Variants in ROBO1 observed in about 807,000 individuals in gnomAD.
ROBO1 encodes roundabout homolog 1.
A neutral mutation model predicts 195.9 loss-of-function variants in ROBO1; 149 were observed. That is an observed-to-expected ratio of 0.76 (90% CI 0.67 to 0.87). ROBO1 has a LOEUF of 0.87. ROBO1 is among the 40% of genes least tolerant of loss of function. The pLI is 0.00. For synonymous variants in ROBO1, 816 were observed against 733.2 expected, an observed-to-expected ratio of 1.11 and a Z score of -1.82; for missense variants, 1,933 against 2,068.3, an observed-to-expected ratio of 0.93 and a Z score of 1.27.
At chr3:79,619,094 TG>T (rs1218961087) in intron 1 of ROBO1, among the ~76,000 whole-genome samples, 1 of 152,092 alleles carries the variant, frequency 6.6e-6, no homozygotes, top group Non-Finnish European at 1.5e-5. Flanking sequence ...CACTGGTGTC[TG>T]ATCACTGCAG....
intron 2 of ROBO1, among the ~76,000 whole-genome samples, chr3:79,195,997 A>G (rs991278109): frequency 1.3e-5 from 2 of 151,626 alleles, no homozygotes; most frequent in Admixed American, 1.3e-4. Context: ...TTTATTAAAT[A>G]AGGACTTATT....
At chr3:79,371,423 G>T (rs1477461206) in intron 2 of ROBO1, among the ~76,000 whole-genome samples, 2 of 152,080 alleles carry the variant, frequency 1.3e-5, no homozygotes, top group Non-Finnish European at 2.9e-5. Flanking sequence ...ACCGGTAAAA[G>T]AAATGAAGGT....
chr3:79,311,980 A>G (rs115357666), intron 2 of ROBO1, among the ~76,000 whole-genome samples: 58 of 151,860 alleles, frequency 3.8e-4, no homozygotes, highest in African/African-American at 1.4e-3. Flanking sequence ...CCAATTCTGA[A>G]CTCCCCTCAC....
At chr3:79,502,338 C>G (rs1182943498) in intron 2 of ROBO1, among the ~76,000 whole-genome samples, 2 of 152,180 alleles carry the variant, frequency 1.3e-5, no homozygotes, top group Non-Finnish European at 2.9e-5. Context: ...GCTCGGCGAG[C>G]CGCACTTGGA....
chr3:79,556,892 C>T (rs1487783175), intron 2 of ROBO1, among the ~76,000 whole-genome samples: 1 of 151,346 alleles, frequency 6.6e-6, no homozygotes, highest in East Asian at 1.9e-4. Flanking sequence ...CTCTCACATG[C>T]AATTTTTATT....
intron 4 of ROBO1, among the ~76,000 whole-genome samples, chr3:78,784,695 A>C (rs1277724172): frequency 6.6e-6 from 1 of 152,214 alleles, no homozygotes; most frequent in Non-Finnish European, 1.5e-5. Flanking sequence ...AATAGTAGCA[A>C]CAAAAATCTT....
chr3:78,678,703 A>ATCC (rs1199593753), intron 10 of ROBO1, among the ~76,000 whole-genome samples: 40 of 152,190 alleles, frequency 2.6e-4, no homozygotes, highest in African/African-American at 9.2e-4. Context: ...AACCAAAAAG[A>ATCC]GTCCAGGACC....
At chr3:79,470,963 T>C (rs778846390) in intron 2 of ROBO1, among the ~76,000 whole-genome samples, 1 of 152,284 alleles carries the variant, frequency 6.6e-6, no homozygotes, top group East Asian at 1.9e-4. Flanking sequence ...ACAATTATAA[T>C]AAAATGATAT....
At chr3:78,892,148 T>G (rs1487028134) in intron 4 of ROBO1, among the ~76,000 whole-genome samples, 2 of 152,278 alleles carry the variant, frequency 1.3e-5, no homozygotes, top group East Asian at 3.9e-4. Context: ...TCGCTTGAGC[T>G]CAGGAGTTTG....
chr3:78,792,198 G>A (rs1408452564), intron 4 of ROBO1, among the ~76,000 whole-genome samples: 2 of 152,112 alleles, frequency 1.3e-5, no homozygotes, highest in Non-Finnish European at 2.9e-5. Flanking sequence ...TGTGAAGCGT[G>A]GTACTAAAAG....
In ROBO1 at chr3:78,598,797, G is replaced by A. The variant is rs773964355; in HGVS notation, c.*116C>T. Reference sequence around the variant, plus strand: ...ATATCCCAATAAGAGGAATAAAAACGACAATTTGTACACTCTGATTGCACT... The same window carrying A: ...ATATCCCAATAAGAGGAATAAAAACAACAATTTGTACACTCTGATTGCACT... On this transcript the variant is annotated 3_prime_UTR_variant, in exon 31 of 31. Transcript: ENST00000464233. 7 of 616,528 alleles carry A rather than the reference G, an allele frequency of 1.1e-5. No individual in the cohort carries two copies. The highest frequency in any genetic ancestry group is 8.3e-5 in the Admixed American group (3 of 36,146). The allele number at this position is 616,528 out of a possible 1,614,324, so 38.2% of individuals were successfully genotyped here.
In ROBO1 at chr3:79,704,193, C is replaced by A. The variant is rs993957873; in HGVS notation, c.-51+63559G>T. ...TCCCGCCAAAGTGGTACATTTGCTA[C>A]AATATCACTCAATGTCCACAGTTTA... On this transcript the variant is annotated intron_variant, in intron 1 of 30. Coordinates refer to ENST00000464233, the MANE Select transcript of ROBO1 (RefSeq NM_002941.4). Among the ~76,000 whole-genome samples the A allele has an allele frequency of 3.9e-5, 6 of 151,938 alleles. No individual in the cohort carries two copies. The Admixed American group carries it at 3.9e-4, about 10-fold the overall frequency.
intron 22 of ROBO1, among the ~76,000 whole-genome samples, chr3:78,638,237 GTGTGTATACACACATACATATATGTATA>G (rs1302388418): frequency 3.6e-4 from 49 of 136,820 alleles, no homozygotes; most frequent in Non-Finnish European, 6.3e-4. Flanking sequence ...ATATATGTAT[GTGTGTATACACACATACATATATGTATA>G]TGTGTATATA....
intron 21 of ROBO1, among the ~76,000 whole-genome samples, chr3:78,642,086 C>T (rs2107572136): frequency 6.6e-6 from 1 of 151,582 alleles, no homozygotes; most frequent in East Asian, 1.9e-4. Flanking sequence ...CCCAGGCTAC[C>T]CTTATATATT....
At chr3:79,452,115 C>T (rs1001726743) in intron 2 of ROBO1, among the ~76,000 whole-genome samples, 1 of 152,020 alleles carries the variant, frequency 6.6e-6, no homozygotes, top group African/African-American at 2.4e-5. Context: ...TCTTTAATGA[C>T]ATAGATGTCT....
intron 1 of ROBO1, among the ~76,000 whole-genome samples, chr3:79,703,480 C>G (rs1349218105): frequency 6.6e-6 from 1 of 151,406 alleles, no homozygotes; most frequent in Non-Finnish European, 1.5e-5. Flanking sequence ...ACATTTTGTT[C>G]CAAAGAGTGT....
chr3:79,647,644 C>A (rs988725546), intron 1 of ROBO1, among the ~76,000 whole-genome samples: 2 of 151,900 alleles, frequency 1.3e-5, no homozygotes, highest in Non-Finnish European at 2.9e-5. Context: ...AACCTTCTAC[C>A]CCCACCACTA....
At chr3:79,141,149 G>A (rs578202368) in intron 2 of ROBO1, among the ~76,000 whole-genome samples, 12 of 152,168 alleles carry the variant, frequency 7.9e-5, no homozygotes, top group African/African-American at 2.6e-4. Context: ...TATGCTTGAT[G>A]CATTGGAGGG....
chr3:79,346,828 T>C (rs746483149), intron 2 of ROBO1, among the ~76,000 whole-genome samples: 3 of 151,752 alleles, frequency 2.0e-5, no homozygotes, highest in Non-Finnish European at 2.9e-5. Flanking sequence ...ATAATAAGCA[T>C]ATAGATTACA....
Sources: gnomAD v4.1 joint callset for allele counts (sites outside exome capture counted in the v4.1 genomes callset) on GRCh38, gnomAD v4.1.1 for gene constraint, MANE v1.5 for transcripts, NCBI Gene and HGNC (gene_info 2026-07-23, HGNC 2026-07-21) for gene names.